CC2D2A: variants seen among roughly 807,000 people sequenced by gnomAD.
CC2D2A encodes the protein coiled-coil and C2 domain-containing protein 2A.
A neutral mutation model predicts 212.9 loss-of-function variants in CC2D2A; 155 were observed. That is an observed-to-expected ratio of 0.73 (90% CI 0.64 to 0.83). The LOEUF (loss-of-function observed/expected upper bound fraction) is 0.83, where lower values mean the gene tolerates loss of function less well. CC2D2A is among the 40% of genes least tolerant of loss of function. The pLI is 0.00. For missense variants in CC2D2A, 1,856 were observed against 1,956.2 expected, an observed-to-expected ratio of 0.95 and a Z score of 0.97; for synonymous variants, 667 against 686.5, an observed-to-expected ratio of 0.97 and a Z score of 0.44.
At position 15,550,781 on chromosome 4, in the gene CC2D2A, C is replaced by T. The variant is rs1364359020; in HGVS notation, c.2182-43C>T. On this transcript the variant is annotated intron_variant, in intron 17 of 36. Transcript: ENST00000424120. ...CTGATTATCTGAGCGTGAGCACACA[C>T]TACTGCTGTTTTTATTGGCTATTTC... The T allele has an allele frequency of 2.0e-6, 3 of 1,465,680 alleles. No homozygotes were observed. In the South Asian group the frequency reaches 4.1e-5, roughly 20 times the overall value. 90.8% of individuals were successfully genotyped at this position (1,465,680 alleles called of 1,614,324 possible).
At position 15,525,555 on chromosome 4, in the gene CC2D2A, T is replaced by G. The variant is rs542740539; in HGVS notation, c.1150-1892T>G. Among the ~76,000 whole-genome samples, 76 of 152,286 alleles carry G rather than the reference T, an allele frequency of 5.0e-4. 1 individual carries two copies. In the East Asian group the frequency reaches 7.7e-3, roughly 15 times the overall value. ...AAAATGGCCCTCCATTGTTGCAGTCTGAAGTGTAGGGATATTAATGACCAG... is the reference window on the plus strand; with the variant it reads ...AAAATGGCCCTCCATTGTTGCAGTCGGAAGTGTAGGGATATTAATGACCAG... On this transcript the variant is annotated intron_variant, in intron 11 of 36. Transcript: ENST00000424120.
chr4:15,557,853 T>C (rs1719370301), intron 21 of CC2D2A, among the ~76,000 whole-genome samples: 1 of 152,230 alleles, frequency 6.6e-6, no homozygotes, highest in Admixed American at 6.5e-5. Context: ...AATGCCTTAG[T>C]CAGGAATTCA....
At chr4:15,593,907 T>C (rs186049574) in intron 33 of CC2D2A, among the ~76,000 whole-genome samples, 1 of 152,292 alleles carries the variant, frequency 6.6e-6, no homozygotes, top group Admixed American at 6.5e-5. Context: ...AAAATTCCTG[T>C]TAAAAGGCAA....
In CC2D2A at chr4:15,527,634, AG is replaced by A. The variant is rs386833745; in HGVS notation, c.1339del (p.Ala447ArgfsTer11). On this transcript the variant is annotated frameshift_variant, in exon 12 of 37. Coordinates refer to ENST00000424120, the MANE Select transcript of CC2D2A (RefSeq NM_001378615.1). LOFTEE classifies it high-confidence loss of function. The part of the protein sequence containing the change: ...DQYLARHQRN[K>X]AKFLTDKLQA... Reference sequence around the variant, plus strand: ...TACCTTGCAAGACACCAGAGAAACAAGGCGAAATTTCTTACTGATAAGGTAC... The same window carrying A: ...TACCTTGCAAGACACCAGAGAAACAAGCGAAATTTCTTACTGATAAGGTAC... The A allele has an allele frequency of 1.3e-5, 21 of 1,609,544 alleles. No homozygotes were observed. Among genetic ancestry groups the A allele is most frequent in the Non-Finnish European group, 1.8e-5 (21 of 1,177,760 alleles).
intron 27 of CC2D2A, 32 bp from the exon 28 acceptor site, chr4:15,570,366 T>C: frequency 7.4e-7 from 1 of 1,359,560 alleles, no homozygotes; most frequent in South Asian, 1.3e-5. Flanking sequence ...CTGGAGTTCT[T>C]AAGCAATTAT....
At chr4:15,513,858 T>C (rs1716710778) in intron 8 of CC2D2A, among the ~76,000 whole-genome samples, 1 of 152,232 alleles carries the variant, frequency 6.6e-6, no homozygotes, top group Non-Finnish European at 1.5e-5. Context: ...CCCTTTTTCC[T>C]TCTTATTCTT....
chr4:15,479,960 G>A (rs1714519974), intron 3 of CC2D2A, among the ~76,000 whole-genome samples: 1 of 152,130 alleles, frequency 6.6e-6, no homozygotes, highest in Non-Finnish European at 1.5e-5. Context: ...TTATAGGTTG[G>A]GAGCATTGCA....
intron 17 of CC2D2A, chr4:15,543,890 A>T (rs1018192968): frequency 2.0e-5 from 3 of 152,260 alleles, no homozygotes; most frequent in East Asian, 1.9e-4. Context: ...AACTATGTAC[A>T]TCATCACAAC....
chr4:15,589,439 C>T, intron 32 of CC2D2A, 106 bp from the exon 33 acceptor site: 1 of 976,256 alleles, frequency 1.0e-6, no homozygotes, highest in Non-Finnish European at 1.5e-6. Flanking sequence ...CATGAAATTT[C>T]AGAAATTAAG....
chr4:15,492,735 G>A lies in CC2D2A; in HGVS notation c.248-9694G>A, dbSNP rs181876780. The A allele has an allele frequency of 2.7e-4, 216 of 806,598 alleles. No homozygotes were observed. The East Asian group carries it at 6.3e-3, about 24-fold the overall frequency. The allele number at this position is 806,598 out of a possible 1,614,324, so 50.0% of individuals were successfully genotyped here. On this transcript the variant is annotated intron_variant, in intron 4 of 36. Coordinates refer to ENST00000424120, the MANE Select transcript of CC2D2A (RefSeq NM_001378615.1). ...TGGTCCAGGGGTCTTACTCCTTGGA[G>A]GCCATGTGGGCCATGAGGTCCACCA...
At position 15,598,657 on chromosome 4, in the gene CC2D2A, G is replaced by A. The variant is rs545797978; in HGVS notation, c.4497-872G>A. Reference sequence around the variant, plus strand: ...ACTTATCACAAACAGTTTCAATGATGTTGGTATTTTAAAGGCAGTTTTAAG... The same window carrying A: ...ACTTATCACAAACAGTTTCAATGATATTGGTATTTTAAAGGCAGTTTTAAG... On this transcript the variant is annotated intron_variant, in intron 35 of 36. Transcript: ENST00000424120. Among the ~76,000 whole-genome samples the A allele has an allele frequency of 3.3e-5, 5 of 152,242 alleles. No homozygotes were observed. The South Asian group carries it at 1.0e-3, about 32-fold the overall frequency.
chr4:15,551,404 G>C (rs762193379), intron 18 of CC2D2A, among the ~76,000 whole-genome samples: 10 of 152,106 alleles, frequency 6.6e-5, no homozygotes, highest in African/African-American at 9.7e-5. Context: ...CTATAATTCC[G>C]ATTGGATATA....
rs1296307285 is a variant in CC2D2A at position 15,516,765 on chromosome 4, T to C, written c.1149+9T>C. The stretch of plus-strand genomic sequence containing the variant: ...AAACACTGTATAAAAAGGTAGACAC[T>C]CCCCTCTCTCCACTTTTATTAAATG... On this transcript the variant is annotated intron_variant, in intron 11 of 36. Transcript: ENST00000424120. 2 of 1,607,094 alleles carry C rather than the reference T, an allele frequency of 1.2e-6. No individual in the cohort carries two copies.
intron 4 of CC2D2A, among the ~76,000 whole-genome samples, chr4:15,496,523 T>C (rs1459981888): frequency 6.6e-6 from 1 of 152,148 alleles, no homozygotes; most frequent in Admixed American, 6.5e-5. Flanking sequence ...AAAGATCAGA[T>C]GGTTGTAGAT....
At chr4:15,500,881 C>G (rs908202194) in intron 4 of CC2D2A, among the ~76,000 whole-genome samples, 1 of 152,114 alleles carries the variant, frequency 6.6e-6, no homozygotes, top group South Asian at 2.1e-4. Flanking sequence ...AAGGCTTCAG[C>G]GCTCACCATG....
chr4:15,552,931 C>A (rs1006829401), intron 18 of CC2D2A, among the ~76,000 whole-genome samples: 3 of 152,224 alleles, frequency 2.0e-5, no homozygotes, highest in Non-Finnish European at 4.4e-5. Flanking sequence ...TGGACCCACT[C>A]GAGAGTGCGT....
chr4:15,499,994 G>C (rs747210093), intron 4 of CC2D2A, among the ~76,000 whole-genome samples: 1 of 151,720 alleles, frequency 6.6e-6, no homozygotes, highest in Non-Finnish European at 1.5e-5. Flanking sequence ...TAATGACAGG[G>C]ATACATTCTG....
chr4:15,520,281 C>A (rs1215469978), intron 11 of CC2D2A, among the ~76,000 whole-genome samples: 2 of 152,050 alleles, frequency 1.3e-5, no homozygotes, highest in Non-Finnish European at 2.9e-5. Flanking sequence ...CTACTTTGTA[C>A]AGAAATGTGA....
intron 30 of CC2D2A, among the ~76,000 whole-genome samples, chr4:15,584,977 A>T (rs141359127): frequency 6.6e-6 from 1 of 152,348 alleles, no homozygotes; most frequent in East Asian, 1.9e-4. Context: ...GGCTCTTTTC[A>T]GAAAGACAAA....
Sources: allele counts gnomAD v4.1 joint callset (sites outside exome capture counted in the v4.1 genomes callset), GRCh38; gene constraint gnomAD v4.1.1; transcripts MANE v1.5; gene names NCBI Gene and HGNC (gene_info 2026-07-23, HGNC 2026-07-21).